HTR1F: variants seen among roughly 807,000 people sequenced by gnomAD.
HTR1F encodes 5-hydroxytryptamine (serotonin) receptor 1F, G protein-coupled.
Under a neutral mutation model 24.0 loss-of-function variants are expected in HTR1F, and 17 were observed. That is an observed-to-expected ratio of 0.71 (90% CI 0.48 to 1.06). The LOEUF (loss-of-function observed/expected upper bound fraction) is 1.06. Among genes scored for constraint, HTR1F ranks in the 50% least tolerant of loss-of-function variants. The probability of loss-of-function intolerance (pLI) is 0.00; values close to 1 mark genes in which losing one functional copy is unlikely to be tolerated. For missense variants in HTR1F, 391 were observed against 427.8 expected (o/e 0.91, Z 0.76); for synonymous variants, 186 against 156.8 (o/e 1.19, Z -1.39).
intron 2 of HTR1F, among the ~76,000 whole-genome samples, chr3:87,942,425 C>T (rs1262261875): frequency 2.6e-5 from 4 of 152,054 alleles, no homozygotes; most frequent in Non-Finnish European, 4.4e-5. Context: ...CAAGCATACC[C>T]GGGGCTCTGT....
At chr3:87,811,013 T>G (rs1704151939) in intron 1 of HTR1F, among the ~76,000 whole-genome samples, 1 of 152,230 alleles carries the variant, frequency 6.6e-6, no homozygotes, top group African/African-American at 2.4e-5. Flanking sequence ...TGTTTTTATA[T>G]GCCAATAGGC....
At position 87,991,529 on chromosome 3, in the gene HTR1F, A is replaced by G. The variant is rs867170750; in HGVS notation, c.780A>G (p.Lys260=). 1 of 1,614,108 alleles carries G rather than the reference A, an allele frequency of 6.2e-7. No individual in the cohort carries two copies. ...SLSDPSTDFD[K]IHSTVRSLRS... is the part of the protein sequence containing the mutation. ...CTGACCCATCAACAGACTTTGATAA[A>G]ATTCATAGCACAGTGAGAAGTCTCA... The change falls in exon 3 of 3, where the codon AAA becomes AAG. Residue 260 remains lysine, a synonymous_variant. Transcript: ENST00000319595.
chr3:87,853,601 G>C (rs990158274), intron 2 of HTR1F, among the ~76,000 whole-genome samples: 1 of 152,106 alleles, frequency 6.6e-6, no homozygotes, highest in Non-Finnish European at 1.5e-5. Flanking sequence ...TGGGATTGCT[G>C]AGTCGAATGG....
intron 2 of HTR1F, among the ~76,000 whole-genome samples, chr3:87,870,869 A>C (rs1280925333): frequency 6.6e-6 from 1 of 152,064 alleles, no homozygotes; most frequent in Non-Finnish European, 1.5e-5. Flanking sequence ...GCATGCCCCC[A>C]AAAAGTTTGA....
intron 2 of HTR1F, among the ~76,000 whole-genome samples, chr3:87,851,566 T>G (rs1184454262): frequency 6.6e-6 from 1 of 151,676 alleles, no homozygotes; most frequent in Non-Finnish European, 1.5e-5. Flanking sequence ...TTCATGGGAC[T>G]TTTCAGGCCA....
chr3:87,848,257 T>G (rs769840910), intron 2 of HTR1F, among the ~76,000 whole-genome samples: 9 of 151,904 alleles, frequency 5.9e-5, no homozygotes, highest in Non-Finnish European at 1.2e-4. Flanking sequence ...TGCATTTCCC[T>G]GGAGATTACT....
At chr3:87,928,750 A>T (rs972395830) in intron 2 of HTR1F, among the ~76,000 whole-genome samples, 1 of 152,224 alleles carries the variant, frequency 6.6e-6, no homozygotes, top group African/African-American at 2.4e-5. Flanking sequence ...TCTACAAGAT[A>T]ACACAGAAAC....
At chr3:87,854,294 T>TTTTTTTGTTCTGTTTTCTTGA (rs1484341858) in intron 2 of HTR1F, among the ~76,000 whole-genome samples, 1 of 152,036 alleles carries the variant, frequency 6.6e-6, no homozygotes, top group East Asian at 1.9e-4. Context: ...TTCTTGAATG[T>TTTTTTTGTTCTGTTTTCTTGA]ATTTATTTGT....
chr3:87,955,248 G>A (rs1429891636), intron 2 of HTR1F, among the ~76,000 whole-genome samples: 1 of 151,234 alleles, frequency 6.6e-6, no homozygotes, highest in East Asian at 1.9e-4. Context: ...CCATTCATCT[G>A]CTTTTTCGCA....
chr3:87,864,526 C>T (rs1705381963), intron 2 of HTR1F, among the ~76,000 whole-genome samples: 1 of 152,148 alleles, frequency 6.6e-6, no homozygotes, highest in African/African-American at 2.4e-5. Flanking sequence ...GTTCTTCAAT[C>T]TAGAAAGACT....
chr3:87,936,018 T>A (rs1470571865), intron 2 of HTR1F, among the ~76,000 whole-genome samples: 1 of 152,154 alleles, frequency 6.6e-6, no homozygotes, highest in Non-Finnish European at 1.5e-5. Context: ...ATCTGGCTAA[T>A]TTTTCTATAT....
At chr3:87,856,379 C>T (rs1276877858) in intron 2 of HTR1F, among the ~76,000 whole-genome samples, 1 of 152,022 alleles carries the variant, frequency 6.6e-6, no homozygotes, top group Non-Finnish European at 1.5e-5. Flanking sequence ...TCCCAGCGAG[C>T]ATATGGGAAA....
chr3:87,905,947 C>A (rs1252581237), intron 2 of HTR1F, among the ~76,000 whole-genome samples: 1 of 151,956 alleles, frequency 6.6e-6, no homozygotes, highest in Non-Finnish European at 1.5e-5. Flanking sequence ...ATGAAGGCAA[C>A]TGGGATCAGG....
intron 2 of HTR1F, among the ~76,000 whole-genome samples, chr3:87,981,830 G>C (rs1450256834): frequency 6.6e-6 from 1 of 152,254 alleles, no homozygotes; most frequent in Non-Finnish European, 1.5e-5. Context: ...ATTTTCTCAA[G>C]TGTGGCAGAC....
chr3:87,859,885 C>T (rs1157380464), intron 2 of HTR1F, among the ~76,000 whole-genome samples: 1 of 152,202 alleles, frequency 6.6e-6, no homozygotes, highest in Non-Finnish European at 1.5e-5. Flanking sequence ...TTTCACTCTG[C>T]ATTTTCATCC....
At chr3:87,873,095 TACACACACACACAC>T (rs61407734) in intron 2 of HTR1F, among the ~76,000 whole-genome samples, 2 of 135,024 alleles carry the variant, frequency 1.5e-5, no homozygotes, top group Non-Finnish European at 3.3e-5. Context: ...CATGCATACA[TACACACACACACAC>T]ACACACACAC....
chr3:87,957,044 A>G (rs1420271681), intron 2 of HTR1F, among the ~76,000 whole-genome samples: 1 of 151,328 alleles, frequency 6.6e-6, no homozygotes, highest in Non-Finnish European at 1.5e-5. Context: ...TTAGGAGAGT[A>G]CCATTAAGAC....
intron 1 of HTR1F, among the ~76,000 whole-genome samples, chr3:87,807,099 T>C (rs1209006605): frequency 6.6e-6 from 1 of 152,040 alleles, no homozygotes; most frequent in Non-Finnish European, 1.5e-5. Context: ...CAGGATTGCT[T>C]TGGCTATTTG....
intron 2 of HTR1F, among the ~76,000 whole-genome samples, chr3:87,823,307 G>A (rs1045069383): frequency 2.0e-5 from 3 of 152,124 alleles, no homozygotes; most frequent in African/African-American, 7.2e-5. Context: ...TTTTTTAAAA[G>A]TTTTTATTTT....
Sources: gnomAD v4.1 joint callset for allele counts (sites outside exome capture counted in the v4.1 genomes callset) on GRCh38, gnomAD v4.1.1 for gene constraint, MANE v1.5 for transcripts, NCBI Gene and HGNC (gene_info 2026-07-23, HGNC 2026-07-21) for gene names.